LY96: variants seen among roughly 807,000 people sequenced by gnomAD.
The protein encoded by LY96 is myeloid differentiation protein-2.
LY96 carries 18 observed loss-of-function variants against 18.9 expected under a neutral mutation model. That is an observed-to-expected ratio of 0.95 (90% CI 0.66 to 1.41). LY96 has a LOEUF of 1.41. LY96 is among the 40% of genes most tolerant of loss of function. The probability of loss-of-function intolerance (pLI) is 0.00; values close to 1 mark genes in which losing one functional copy is unlikely to be tolerated. For synonymous variants in LY96, 66 were observed against 62.6 expected, an observed-to-expected ratio of 1.06 and a Z score of -0.26; for missense variants, 175 against 182.4, an observed-to-expected ratio of 0.96 and a Z score of 0.23.
chr8:74,094,572 T>C, the LY96 span, among the ~76,000 whole-genome samples: 1 of 152,222 alleles, frequency 6.6e-6, no homozygotes, highest in East Asian at 1.9e-4. Flanking sequence ...CTGTTATTTT[T>C]AGAGTAGCAG....
the LY96 span, among the ~76,000 whole-genome samples, chr8:74,058,666 T>C: frequency 2.0e-5 from 3 of 151,960 alleles, no homozygotes; most frequent in Non-Finnish European, 2.9e-5. Flanking sequence ...ATTAAAGGCA[T>C]GTGCCATGAC....
At chr8:74,033,450 T>A (rs1455272752), downstream of LY96, among the ~76,000 whole-genome samples, 1 of 152,228 alleles carries the variant, frequency 6.6e-6, no homozygotes, top group Non-Finnish European at 1.5e-5. Flanking sequence ...CTGAGTCCTT[T>A]GGCCCAACCC....
the LY96 span, among the ~76,000 whole-genome samples, chr8:74,034,829 A>C: frequency 6.6e-6 from 1 of 152,156 alleles, no homozygotes; most frequent in South Asian, 2.1e-4. Flanking sequence ...TGTAAGGGCC[A>C]GTTTTGAGGG....
chr8:74,010,815 C>T (rs1391463122), intron 3 of LY96, among the ~76,000 whole-genome samples: 1 of 151,666 alleles, frequency 6.6e-6, no homozygotes, highest in Non-Finnish European at 1.5e-5. Flanking sequence ...ATTTGGAGAA[C>T]TAGTAACAGA....
the LY96 span, among the ~76,000 whole-genome samples, chr8:74,040,752 G>T: frequency 2.7e-5 from 4 of 146,280 alleles, no homozygotes; most frequent in Non-Finnish European, 4.5e-5. Context: ...GCCTGGGCTG[G>T]AGTGCAGTGG....
At chr8:74,034,720 C>G in the LY96 span, among the ~76,000 whole-genome samples, 1 of 152,116 alleles carries the variant, frequency 6.6e-6, no homozygotes, top group East Asian at 1.9e-4. Flanking sequence ...CACACTGGGT[C>G]CAATTTGTTT....
chr8:74,088,541 T>C, the LY96 span, among the ~76,000 whole-genome samples: 26 of 152,236 alleles, frequency 1.7e-4, no homozygotes, highest in South Asian at 5.2e-3. Context: ...ACCTCTAAGC[T>C]AAAACCGCAG....
At chr8:74,054,795 C>T in the LY96 span, among the ~76,000 whole-genome samples, 1 of 151,508 alleles carries the variant, frequency 6.6e-6, no homozygotes, top group Non-Finnish European at 1.5e-5. Flanking sequence ...TCCTGAGTAG[C>T]TAGGACCACA....
chr8:74,067,493 G>A, the LY96 span, among the ~76,000 whole-genome samples: 3 of 152,138 alleles, frequency 2.0e-5, no homozygotes, highest in Non-Finnish European at 2.9e-5. Flanking sequence ...GATTACAGAC[G>A]TGAGCCACTC....
In LY96 at chr8:73,994,599, G is replaced by A. The variant is rs546722838; in HGVS notation, c.112+3045G>A. Among the ~76,000 whole-genome samples, 21 of 152,214 alleles carry A rather than the reference G, an allele frequency of 1.4e-4. 1 individual carries two copies. The highest frequency in any genetic ancestry group is 2.9e-4 in the African/African-American group (12 of 41,540). ...ACTCTGAGGTTCAAGTGATTTTCCC[G>A]CTTCAGCCTCCCAAGTAGCTGGGAC... On this transcript the variant is annotated intron_variant, in intron 1 of 4. Coordinates refer to ENST00000284818, the MANE Select transcript of LY96 (RefSeq NM_015364.5).
intron 1 of LY96, among the ~76,000 whole-genome samples, chr8:73,992,639 C>T (rs901320190): frequency 2.6e-5 from 4 of 152,088 alleles, no homozygotes; most frequent in Non-Finnish European, 4.4e-5. Flanking sequence ...GAGGAGGAGA[C>T]TTAGGAGTGT....
the LY96 span, among the ~76,000 whole-genome samples, chr8:74,067,528 G>T: frequency 1.3e-5 from 2 of 150,868 alleles, no homozygotes; most frequent in Non-Finnish European, 2.9e-5. Context: ...TTTTTTTGTT[G>T]TTGTTGTTAG....
intron 1 of LY96, among the ~76,000 whole-genome samples, chr8:73,994,427 T>C (rs1339426321): frequency 1.3e-5 from 2 of 152,184 alleles, no homozygotes; most frequent in Non-Finnish European, 2.9e-5. Flanking sequence ...TCTGATTCAC[T>C]GTGATGATTT....
At chr8:74,097,572 G>A in the LY96 span, among the ~76,000 whole-genome samples, 1 of 152,092 alleles carries the variant, frequency 6.6e-6, no homozygotes, top group African/African-American at 2.4e-5. Context: ...AGCTGGGTGT[G>A]GTGATGTGTG....
chr8:74,038,077 T>A, the LY96 span, among the ~76,000 whole-genome samples: 100 of 152,312 alleles, frequency 6.6e-4, no homozygotes, highest in Non-Finnish European at 1.3e-3. Flanking sequence ...TTTTTTTAAA[T>A]CAAAATAGAC....
At chr8:73,992,834 C>T (rs946128443) in intron 1 of LY96, among the ~76,000 whole-genome samples, 1 of 111,084 alleles carries the variant, frequency 9.0e-6, no homozygotes, top group African/African-American at 3.9e-5. Context: ...CTAATTATGC[C>T]ACTGTGTGTG....
intron 1 of LY96, among the ~76,000 whole-genome samples, chr8:73,993,954 T>A (rs975448297): frequency 1.3e-5 from 2 of 152,262 alleles, no homozygotes; most frequent in Non-Finnish European, 1.5e-5. Flanking sequence ...TGTGAAACCA[T>A]CACCGTTGGT....
At chr8:73,999,222 AG>A (rs1164139730) in intron 1 of LY96, among the ~76,000 whole-genome samples, 3 of 152,094 alleles carry the variant, frequency 2.0e-5, no homozygotes, top group African/African-American at 7.2e-5. Flanking sequence ...CACCCTCCTC[AG>A]CCTCCCAAAG....
the LY96 span, among the ~76,000 whole-genome samples, chr8:74,057,274 C>A: frequency 6.2e-4 from 94 of 152,262 alleles, no homozygotes; most frequent in African/African-American, 2.1e-3. Context: ...GTGCTCCTAC[C>A]TTTGATGGCC....
Sources: gnomAD v4.1 joint callset for allele counts (sites outside exome capture counted in the v4.1 genomes callset) on GRCh38, gnomAD v4.1.1 for gene constraint, MANE v1.5 for transcripts, NCBI Gene and HGNC (gene_info 2026-07-23, HGNC 2026-07-21) for gene names.